The following NTN1 variants were observed in gnomAD, a reference collection of about 807,000 sequenced individuals.
NTN1 encodes the protein netrin 1.
In NTN1, 11 loss-of-function variants were observed where a neutral mutation model predicts 54.2. The observed-to-expected ratio is 0.20, with a 90% CI of 0.13 to 0.34. The LOEUF is 0.34. NTN1 is among the 10% of genes least tolerant of loss of function. NTN1 has a pLI of 1.00. For synonymous variants in NTN1, 371 were observed against 382.0 expected (o/e 0.97, Z 0.33); for missense variants, 740 against 893.1 (o/e 0.83, Z 2.18).
At chr17:9,009,811 A>C in the NTN1 span, among the ~76,000 whole-genome samples, 1 of 152,158 alleles carries the variant, frequency 6.6e-6, no homozygotes. Context: ...GCGGAATTGA[A>C]TACAGCAGGT....
intron 2 of NTN1, among the ~76,000 whole-genome samples, chr17:9,066,360 G>A (rs578031847): frequency 6.6e-6 from 1 of 152,358 alleles, no homozygotes; most frequent in South Asian, 2.1e-4. Context: ...CGGGCGTGGT[G>A]GCTCACACCT....
chr17:9,058,454 G>A (rs1459131698), intron 2 of NTN1, among the ~76,000 whole-genome samples: 1 of 151,612 alleles, frequency 6.6e-6, no homozygotes, highest in Non-Finnish European at 1.5e-5. Context: ...AATTATGTAC[G>A]TTTCTGTGTT....
intron 2 of NTN1, among the ~76,000 whole-genome samples, chr17:9,110,124 G>C (rs2092184958): frequency 6.6e-6 from 1 of 152,078 alleles, no homozygotes; most frequent in Admixed American, 6.6e-5. Context: ...ATGCTTAAAC[G>C]AGTGCAGAAT....
At chr17:9,208,408 C>A (rs1051172550) in intron 5 of NTN1, among the ~76,000 whole-genome samples, 2 of 152,130 alleles carry the variant, frequency 1.3e-5, no homozygotes, top group South Asian at 4.1e-4. Context: ...GCTTATTGTC[C>A]AGAGTGTATG....
At chr17:9,105,882 A>G (rs886815224) in intron 2 of NTN1, among the ~76,000 whole-genome samples, 9 of 152,070 alleles carry the variant, frequency 5.9e-5, no homozygotes, top group African/African-American at 2.2e-4. Flanking sequence ...GAGGAAATGA[A>G]TGGTGAGCAG....
intron 2 of NTN1, among the ~76,000 whole-genome samples, chr17:9,072,591 G>A (rs571848828): frequency 6.6e-6 from 1 of 152,308 alleles, no homozygotes; most frequent in African/African-American, 2.4e-5. Flanking sequence ...AGAGGAGGCA[G>A]GGAGGCCCCC....
At chr17:9,003,767 A>C in the NTN1 span, among the ~76,000 whole-genome samples, 1 of 152,162 alleles carries the variant, frequency 6.6e-6, no homozygotes, top group Non-Finnish European at 1.5e-5. This position sits in a 1 kb window ranked among gnomAD's most constrained non-coding sequence, Gnocchi z 7.4. Flanking sequence ...CGGGCTGGAT[A>C]ATGGGTGCAT....
At chr17:9,081,206 A>G (rs965459961) in intron 2 of NTN1, among the ~76,000 whole-genome samples, 2 of 152,132 alleles carry the variant, frequency 1.3e-5, no homozygotes, top group Non-Finnish European at 1.5e-5. Flanking sequence ...CCATTGCACA[A>G]TTGTTTGCTT....
chr17:9,008,369 A>T, the NTN1 span, among the ~76,000 whole-genome samples: 1 of 152,052 alleles, frequency 6.6e-6, no homozygotes, highest in Non-Finnish European at 1.5e-5. Context: ...CCCAGGCTGG[A>T]GTGCAGTGGT....
At chr17:9,081,191 G>C (rs1191140373) in intron 2 of NTN1, among the ~76,000 whole-genome samples, 1 of 152,116 alleles carries the variant, frequency 6.6e-6, no homozygotes, top group East Asian at 1.9e-4. Context: ...ACACCCAGCT[G>C]GTGTCCATTG....
At chr17:9,015,831 G>A in the NTN1 span, among the ~76,000 whole-genome samples, 1 of 152,144 alleles carries the variant, frequency 6.6e-6, no homozygotes, top group African/African-American at 2.4e-5. Flanking sequence ...AGCACTTTGG[G>A]AGGCCAAGGC....
At chr17:9,208,694 A>G (rs1424309364) in intron 5 of NTN1, among the ~76,000 whole-genome samples, 1 of 152,138 alleles carries the variant, frequency 6.6e-6, no homozygotes, top group Non-Finnish European at 1.5e-5. Flanking sequence ...TTTTTTCCAG[A>G]TATTATTTTG....
intron 6 of NTN1, among the ~76,000 whole-genome samples, chr17:9,229,518 GC>G (rs1306180558): frequency 6.6e-6 from 1 of 152,212 alleles, no homozygotes; most frequent in Non-Finnish European, 1.5e-5. Context: ...CACCCGGGAG[GC>G]CAGGCTTTGG....
intron 4 of NTN1, among the ~76,000 whole-genome samples, chr17:9,181,430 C>G (rs568331487): frequency 1.4e-3 from 208 of 152,346 alleles, no homozygotes; most frequent in Non-Finnish European, 2.3e-3. Context: ...TGTGGACTTG[C>G]AGGATTAGAC....
rs867855388 is a variant in NTN1 at position 9,125,475 on chromosome 17, T to G, written c.1019-37338T>G. 6.4e-4 allele frequency among the ~76,000 whole-genome samples: 98 copies of G among 152,154 alleles called. 1 individual carries two copies. Among genetic ancestry groups the G allele is most frequent in the African/African-American group, 2.3e-3 (94 of 41,534 alleles). ...ACTCCTGACCTCAGATGATCCGTCT[T>G]CCTAGGCCTCCCAAAGTGCTGGGAT... On this transcript the variant is annotated intron_variant, in intron 2 of 6. Transcript: ENST00000173229.
intron 2 of NTN1, among the ~76,000 whole-genome samples, chr17:9,089,698 C>G (rs1173586303): frequency 6.6e-6 from 1 of 152,116 alleles, no homozygotes; most frequent in East Asian, 1.9e-4. Flanking sequence ...TTCGGACTCT[C>G]AGGGCCCTTC....
chr17:9,229,714 C>T (rs1030744921), intron 6 of NTN1, among the ~76,000 whole-genome samples: 1 of 151,944 alleles, frequency 6.6e-6, no homozygotes, highest in African/African-American at 2.4e-5. Flanking sequence ...GGCATAGTGG[C>T]AGGGATGTTG....
chr17:9,114,166 A>AATATATATATATATATAT (rs34188198), intron 2 of NTN1, among the ~76,000 whole-genome samples: 9 of 74,654 alleles, frequency 1.2e-4, no homozygotes, highest in African/African-American at 2.9e-4. Context: ...AAAAAAAAAA[A>AATATATATATATATATAT]ATATATATAT....
At chr17:9,035,817 T>G (rs1597465109) in intron 2 of NTN1, among the ~76,000 whole-genome samples, 1 of 151,540 alleles carries the variant, frequency 6.6e-6, no homozygotes. Flanking sequence ...AGGTCAGGAG[T>G]TCAAAACCAG....
Sources: allele counts gnomAD v4.1 joint callset (sites outside exome capture counted in the v4.1 genomes callset), GRCh38; gene constraint gnomAD v4.1.1; non-coding constraint Gnocchi (gnomAD v3.1); transcripts MANE v1.5; gene names NCBI Gene and HGNC (gene_info 2026-07-23, HGNC 2026-07-21).